ADAMTSL1: variants seen among roughly 807,000 people sequenced by gnomAD.
ADAMTSL1 encodes the protein ADAMTS-like protein 1.
In ADAMTSL1, 126 loss-of-function variants were observed where a neutral mutation model predicts 201.8. The observed-to-expected ratio is 0.62, with a 90% confidence interval of 0.54 to 0.72. ADAMTSL1 has a LOEUF of 0.72. ADAMTSL1 is among the 30% of genes least tolerant of loss of function. The pLI is 0.00. For missense variants in ADAMTSL1, 2,679 were observed against 2,277.8 expected, an observed-to-expected ratio of 1.18 and a Z score of -3.59; for synonymous variants, 1,121 against 903.4, an observed-to-expected ratio of 1.24 and a Z score of -4.32.
chr9:18,427,622 G>T (rs1217411191), intron 2 of ADAMTSL1, among the ~76,000 whole-genome samples: 3 of 152,168 alleles, frequency 2.0e-5, no homozygotes, highest in Non-Finnish European at 4.4e-5. Flanking sequence ...AACTGGCTTT[G>T]CCCACATTTT....
At chr9:18,506,634 A>T (rs1430807993) in intron 2 of ADAMTSL1, among the ~76,000 whole-genome samples, 1 of 152,220 alleles carries the variant, frequency 6.6e-6, no homozygotes, top group Non-Finnish European at 1.5e-5. Flanking sequence ...TTAAAGGTCT[A>T]GGTGTTAGGG....
At position 18,740,911 on chromosome 9, in the gene ADAMTSL1, T is replaced by C. The variant is rs111857732; in HGVS notation, c.2007-12387T>C. Among the ~76,000 whole-genome samples, 97 of 152,288 alleles carry C rather than the reference T, an allele frequency of 6.4e-4. 2 individuals carry two copies. The highest frequency in any genetic ancestry group is 2.2e-3 in the African/African-American group (91 of 41,566). On this transcript the variant is annotated intron_variant, in intron 15 of 28. Transcript: ENST00000380548. ...TCTGCCTTTGCCTGGCTACCACTTA[T>C]TCACCTGTCAAGACTCAGTCTGGAT... is the stretch of plus-strand genomic sequence containing the variant.
At chr9:18,642,672 T>C (rs1004151850) in intron 7 of ADAMTSL1, among the ~76,000 whole-genome samples, 2 of 152,014 alleles carry the variant, frequency 1.3e-5, no homozygotes. Context: ...GTATTATTAA[T>C]ATCACGCAGT....
Position 18,612,286 on chromosome 9 carries a change from G to C in ADAMTSL1, c.475-9957G>C, listed in dbSNP as rs528028260. Among the ~76,000 whole-genome samples, 49 of 152,272 alleles carry C rather than the reference G, an allele frequency of 3.2e-4. 1 individual carries two copies. The South Asian group carries it at 9.8e-3, about 30-fold the overall frequency. On this transcript the variant is annotated intron_variant, in intron 4 of 28. Coordinates refer to ENST00000380548, the MANE Select transcript of ADAMTSL1 (RefSeq NM_001040272.6). ...TGTCCTTAGAGATCTTTTTCTTTTAGAGAGTGTTCTTTTGGTCTTTGGAAC... is the reference window on the plus strand; with the variant it reads ...TGTCCTTAGAGATCTTTTTCTTTTACAGAGTGTTCTTTTGGTCTTTGGAAC...
chr9:18,185,028 T>C (rs1388600548), intron 2 of ADAMTSL1, among the ~76,000 whole-genome samples: 1 of 152,158 alleles, frequency 6.6e-6, no homozygotes, highest in Admixed American at 6.5e-5. Flanking sequence ...TTTTGTATTT[T>C]AGGGCATTTT....
At chr9:18,628,190 A>G (rs1314808798) in intron 5 of ADAMTSL1, among the ~76,000 whole-genome samples, 1 of 64,788 alleles carries the variant, frequency 1.5e-5, no homozygotes, top group Non-Finnish European at 3.3e-5. Context: ...GGACACAAAG[A>G]TTTTCTCCGT....
At chr9:18,004,695 G>A (rs1819745354) in intron 1 of ADAMTSL1, among the ~76,000 whole-genome samples, 1 of 152,052 alleles carries the variant, frequency 6.6e-6, no homozygotes, top group South Asian at 2.1e-4. Context: ...GTAGGCTTTA[G>A]AGTGCTACCT....
Position 18,883,651 on chromosome 9 carries a change from A to G in ADAMTSL1, c.4250-4180A>G, listed in dbSNP as rs534684561. Among the ~76,000 whole-genome samples, 4 of 152,244 alleles carry G rather than the reference A, an allele frequency of 2.6e-5. 1 individual carries two copies. The highest frequency in any genetic ancestry group is 1.9e-4 in the East Asian group (1 of 5,184). The stretch of plus-strand genomic sequence containing the variant: ...AATTTGGCTGCTCCAGGTACCTCAT[A>G]TAAGTGGAATCATACAATATTTGTC... On this transcript the variant is annotated intron_variant, in intron 23 of 28. Coordinates refer to ENST00000380548, the MANE Select transcript of ADAMTSL1 (RefSeq NM_001040272.6).
Position 18,077,402 on chromosome 9 carries a change from G to C in ADAMTSL1, c.88-86460G>C, listed in dbSNP as rs1238073132. On this transcript the variant is annotated intron_variant, in intron 1 of 29. Transcript: ENST00000680146. ...AGGAGGAGGTTGCAAAGGAGATGGA[G>C]AACAGCTAGAAACTAAGGTGGAAAA... Among the ~76,000 whole-genome samples, 5 of 152,300 alleles carry C rather than the reference G, an allele frequency of 3.3e-5. No homozygotes were observed. In the East Asian group the frequency reaches 9.7e-4, roughly 29 times the overall value.
intron 1 of ADAMTSL1, among the ~76,000 whole-genome samples, chr9:18,077,112 G>T (rs1336180933): frequency 6.6e-6 from 1 of 152,006 alleles, no homozygotes; most frequent in Admixed American, 6.5e-5. Context: ...GAGATTTATT[G>T]GTCTATTTTG....
chr9:18,781,336 G>C lies in ADAMTSL1; in HGVS notation c.3677+3430G>C, dbSNP rs531646412. Among the ~76,000 whole-genome samples, 6 of 152,216 alleles carry C rather than the reference G, an allele frequency of 3.9e-5. No homozygotes were observed. The South Asian group carries it at 1.2e-3, about 31-fold the overall frequency. On this transcript the variant is annotated intron_variant, in intron 19 of 28. Coordinates refer to ENST00000380548, the MANE Select transcript of ADAMTSL1 (RefSeq NM_001040272.6). ...CTGCCATCACATTTTTTATTTTTCTGGATCTAGGCTTGACTAAGCTTTTCA... is the reference window on the plus strand; with the variant it reads ...CTGCCATCACATTTTTTATTTTTCTCGATCTAGGCTTGACTAAGCTTTTCA...
intron 10 of ADAMTSL1, 67 bp downstream of exon 10, chr9:18,675,974 T>G (rs41268979): frequency 0.031 from 42,685 of 1,357,326 alleles, 853 homozygotes; most frequent in Non-Finnish European, 0.037. Flanking sequence ...TCTATATATA[T>G]AGAGATATAC....
intron 7 of ADAMTSL1, among the ~76,000 whole-genome samples, chr9:18,655,838 G>A (rs1312219658): frequency 0.12 from 7,299 of 60,288 alleles, 2 homozygotes; most frequent in African/African-American, 0.28. Flanking sequence ...AAAAAAAAAA[G>A]AACTTTCCAA....
At chr9:18,898,063 C>T (rs1829765798) in intron 26 of ADAMTSL1, among the ~76,000 whole-genome samples, 2 of 151,596 alleles carry the variant, frequency 1.3e-5, no homozygotes, top group African/African-American at 4.9e-5. Context: ...GTGGCGGGCA[C>T]CTGTAGCCCC....
At chr9:18,494,368 G>A (rs1822420751) in intron 1 of ADAMTSL1, among the ~76,000 whole-genome samples, 1 of 151,646 alleles carries the variant, frequency 6.6e-6, no homozygotes, top group Non-Finnish European at 1.5e-5. Flanking sequence ...AAAAAACCAG[G>A]CCAAGCAGTG....
chr9:18,504,691 A>T, intron 1 of ADAMTSL1, 138 bp from the exon 2 acceptor site: 1 of 1,222,262 alleles, frequency 8.2e-7, no homozygotes, highest in Non-Finnish European at 1.2e-6. Flanking sequence ...ATGGAAAAGA[A>T]TCCGAGAATC....
At chr9:18,015,916 T>C (rs1234353373) in intron 1 of ADAMTSL1, among the ~76,000 whole-genome samples, 1 of 152,048 alleles carries the variant, frequency 6.6e-6, no homozygotes, top group Non-Finnish European at 1.5e-5. Context: ...TGCCATACCC[T>C]TTCTCCAGCT....
At position 18,705,257 on chromosome 9, in the gene ADAMTSL1, T is replaced by C. The variant is rs189285917; in HGVS notation, c.1575-1490T>C. Among the ~76,000 whole-genome samples the C allele has an allele frequency of 1.1e-3, 174 of 152,300 alleles. 1 individual carries two copies. The highest frequency in any genetic ancestry group is 3.9e-3 in the African/African-American group (162 of 41,576). On this transcript the variant is annotated intron_variant, in intron 13 of 28. Coordinates refer to ENST00000380548, the MANE Select transcript of ADAMTSL1 (RefSeq NM_001040272.6). The stretch of plus-strand genomic sequence containing the variant: ...GGTTAAGGAGCCAGGTTTGCATGCC[T>C]CTGCAGCACGACTCCCTGTGAGAAA...
chr9:18,697,974 T>A (rs1831660473), intron 13 of ADAMTSL1, among the ~76,000 whole-genome samples: 1 of 152,232 alleles, frequency 6.6e-6, no homozygotes, highest in Non-Finnish European at 1.5e-5. Context: ...TTGTGTAACT[T>A]ATGCTTCAGT....
Sources: gnomAD v4.1 joint callset for allele counts (sites outside exome capture counted in the v4.1 genomes callset) on GRCh38, gnomAD v4.1.1 for gene constraint, MANE v1.5 for transcripts, NCBI Gene and HGNC (gene_info 2026-07-23, HGNC 2026-07-21) for gene names.